Variants in SLCO3A1 observed in about 807,000 individuals in gnomAD.
SLCO3A1 encodes PGE1 transporter.
In SLCO3A1, 27 loss-of-function variants were observed where a neutral mutation model predicts 63.1. The observed-to-expected ratio is 0.43, with a 90% CI of 0.32 to 0.59. The LOEUF (loss-of-function observed/expected upper bound fraction) is 0.59, where lower values mean the gene tolerates loss of function less well. SLCO3A1 is among the 20% of genes least tolerant of loss of function. The pLI, the probability that SLCO3A1 is intolerant of heterozygous loss-of-function variation, is 0.09. For missense variants in SLCO3A1, 773 were observed against 945.8 expected, an observed-to-expected ratio of 0.82 and a Z score of 2.40; for synonymous variants, 473 against 409.9, an observed-to-expected ratio of 1.15 and a Z score of -1.86.
chr15:92,063,073 C>A (rs1308855327), intron 2 of SLCO3A1, among the ~76,000 whole-genome samples: 1 of 152,210 alleles, frequency 6.6e-6, no homozygotes, highest in African/African-American at 2.4e-5. Context: ...AGAATAACGC[C>A]TTAAGGTTAG....
chr15:91,909,286 G>A (rs1449413457), intron 1 of SLCO3A1, among the ~76,000 whole-genome samples: 3 of 152,156 alleles, frequency 2.0e-5, no homozygotes, highest in Non-Finnish European at 4.4e-5. Context: ...GTGGCCTGCT[G>A]CCTGTTTTTG....
At chr15:91,956,504 G>T (rs1305201123) in intron 2 of SLCO3A1, among the ~76,000 whole-genome samples, 1 of 152,062 alleles carries the variant, frequency 6.6e-6, no homozygotes, top group East Asian at 1.9e-4. Context: ...AAACAACTTG[G>T]GATAAATGGC....
At chr15:92,106,606 A>G (rs963442417) in intron 4 of SLCO3A1, among the ~76,000 whole-genome samples, 1 of 152,154 alleles carries the variant, frequency 6.6e-6, no homozygotes, top group African/African-American at 2.4e-5. Context: ...TAGGGCTCTG[A>G]TTGTAAAAGC....
At chr15:92,166,091 C>T (rs1479169328), downstream of SLCO3A1, among the ~76,000 whole-genome samples, 1 of 152,004 alleles carries the variant, frequency 6.6e-6, no homozygotes, top group Non-Finnish European at 1.5e-5. Flanking sequence ...AATATCATTC[C>T]CTCCTATGAA....
At chr15:91,903,892 G>C (rs1314201070) in intron 1 of SLCO3A1, among the ~76,000 whole-genome samples, 4 of 152,208 alleles carry the variant, frequency 2.6e-5, no homozygotes, top group African/African-American at 9.7e-5. Context: ...TTGAATTGAA[G>C]TTGTTGTTGT....
chr15:91,872,135 G>A lies in SLCO3A1; in HGVS notation c.180+18047G>A, dbSNP rs911006576. The stretch of plus-strand genomic sequence containing the variant: ...TTCGTCGAGGATGTGGTGTGTGCCC[G>A]GGAGGACACAAGCAGTCTGATCGAA... On this transcript the variant is annotated intron_variant, in intron 1 of 9. Transcript: ENST00000318445. This position sits in a 1 kb window ranked among gnomAD's most constrained non-coding sequence, Gnocchi z 4.1. 1.2e-4 allele frequency among the ~76,000 whole-genome samples: 18 copies of A among 152,240 alleles called. No individual in the cohort carries two copies. The Middle Eastern group carries it at 0.01, about 86-fold the overall frequency.
chr15:91,950,706 C>A lies in SLCO3A1; in HGVS notation c.646+34248C>A, dbSNP rs1358402969. The stretch of plus-strand genomic sequence containing the variant: ...TTTGGTTCTGTATTTCACAACCAGT[C>A]TGATTGCTCTTGTCCCAAGTCATTG... On this transcript the variant is annotated intron_variant, in intron 2 of 9. Transcript: ENST00000318445. The surrounding 1 kb of genome is among the most constrained non-coding windows in gnomAD (Gnocchi z 4.4). 6.6e-6 allele frequency among the ~76,000 whole-genome samples: 1 copy of A among 152,220 alleles called. No individual in the cohort carries two copies. Among genetic ancestry groups the A allele is most frequent in the Non-Finnish European group, 1.5e-5 (1 of 68,046 alleles).
intron 2 of SLCO3A1, among the ~76,000 whole-genome samples, chr15:92,037,871 G>A (rs2151485053): frequency 6.6e-6 from 1 of 152,300 alleles, no homozygotes; most frequent in African/African-American, 2.4e-5. Context: ...GCAAGGTTGT[G>A]ACTTTAACAC....
At chr15:92,102,107 A>G (rs576927379) in intron 3 of SLCO3A1, among the ~76,000 whole-genome samples, 17 of 152,098 alleles carry the variant, frequency 1.1e-4, no homozygotes, top group Admixed American at 2.6e-4. Context: ...CAGCTTTTCA[A>G]TTCCCCCTTT....
intron 2 of SLCO3A1, among the ~76,000 whole-genome samples, chr15:91,952,264 A>G (rs1465344086): frequency 1.3e-5 from 2 of 152,216 alleles, no homozygotes; most frequent in African/African-American, 4.8e-5. Flanking sequence ...TCTGGATACT[A>G]GGCCAGATCT....
chr15:92,102,085 G>A (rs539936193), intron 3 of SLCO3A1, among the ~76,000 whole-genome samples: 7 of 151,946 alleles, frequency 4.6e-5, no homozygotes, highest in Non-Finnish European at 1.0e-4. Context: ...CTCTTTACCC[G>A]CTCACATCTG....
intron 2 of SLCO3A1, among the ~76,000 whole-genome samples, chr15:91,946,331 C>T (rs1378305397): frequency 6.6e-6 from 1 of 152,186 alleles, no homozygotes; most frequent in Non-Finnish European, 1.5e-5. Context: ...TGAGATCAGC[C>T]CTGGGCAGCC....
intron 7 of SLCO3A1, among the ~76,000 whole-genome samples, chr15:92,132,722 C>G (rs1486988184): frequency 6.9e-6 from 1 of 145,188 alleles, no homozygotes; most frequent in South Asian, 2.2e-4. Context: ...CTAATTCATC[C>G]CCCCCATTCC....
Position 92,163,493 on chromosome 15 carries a change from A to G in SLCO3A1, c.*358A>G. On this transcript the variant is annotated 3_prime_UTR_variant, in exon 10 of 10. Coordinates refer to ENST00000318445, the MANE Select transcript of SLCO3A1 (RefSeq NM_013272.4). Reference sequence around the variant, plus strand: ...CAGCTTGGAGGATGGACATTTCTGGATACACATACACATACAAAACAGAAA... The same window carrying G: ...CAGCTTGGAGGATGGACATTTCTGGGTACACATACACATACAAAACAGAAA... 3 of 1,009,328 alleles carry G rather than the reference A, an allele frequency of 3.0e-6. No individual in the cohort carries two copies. Among genetic ancestry groups the G allele is most frequent in the Non-Finnish European group, 3.5e-6 (3 of 846,216 alleles). 62.5% of individuals were successfully genotyped at this position (1,009,328 alleles called of 1,614,324 possible). A position where few individuals can be genotyped will look rare whatever the true frequency, so the allele number is the denominator to read the frequency against.
chr15:92,163,157 CTG>C lies in SLCO3A1; in HGVS notation c.*24_*25del. 2 of 1,463,456 alleles carry C rather than the reference CTG, an allele frequency of 1.4e-6. No homozygotes were observed. The highest frequency in any genetic ancestry group is 1.8e-6 in the Non-Finnish European group (2 of 1,109,946). The allele number at this position is 1,463,456 out of a possible 1,614,324, so 90.7% of individuals were successfully genotyped here. The stretch of plus-strand genomic sequence containing the variant: ...ATAGTGACTAAAGGAGGGCTGAACT[CTG>C]TATTAGTAATCCAAGGGTCATTTTT... On this transcript the variant is annotated 3_prime_UTR_variant, in exon 10 of 10. Coordinates refer to ENST00000318445, the MANE Select transcript of SLCO3A1 (RefSeq NM_013272.4).
At chr15:92,157,829 C>A (rs942156383) in intron 9 of SLCO3A1, among the ~76,000 whole-genome samples, 1 of 152,146 alleles carries the variant, frequency 6.6e-6, no homozygotes, top group South Asian at 2.1e-4. Context: ...AAATGGCATC[C>A]CATTGATTCT....
chr15:91,939,367 G>A (rs1899534953), intron 2 of SLCO3A1, among the ~76,000 whole-genome samples: 1 of 152,134 alleles, frequency 6.6e-6, no homozygotes, highest in Non-Finnish European at 1.5e-5. Flanking sequence ...CCTCCCGCCA[G>A]GCCCCACTTC....
intron 2 of SLCO3A1, among the ~76,000 whole-genome samples, chr15:92,084,229 A>AT (rs571043189): frequency 1.3e-3 from 204 of 152,368 alleles, no homozygotes; most frequent in Non-Finnish European, 2.2e-3. Flanking sequence ...CTCTAAAAAA[A>AT]GCAGAGTTTA....
At chr15:91,858,093 G>GAAACTGCTAGGTTT (rs1277625533) in intron 1 of SLCO3A1, among the ~76,000 whole-genome samples, 29 of 152,068 alleles carry the variant, frequency 1.9e-4, no homozygotes, top group Non-Finnish European at 4.4e-5. Flanking sequence ...TGGGTGAGGC[G>GAAACTGCTAGGTTT]AAACTGCTAG....
Sources: allele counts gnomAD v4.1 joint callset (sites outside exome capture counted in the v4.1 genomes callset), GRCh38; gene constraint gnomAD v4.1.1; non-coding constraint Gnocchi (gnomAD v3.1); transcripts MANE v1.5; gene names NCBI Gene and HGNC (gene_info 2026-07-23, HGNC 2026-07-21).